GPATCH1: variants seen among roughly 807,000 people sequenced by gnomAD.
GPATCH1 encodes G patch domain-containing protein 1.
GPATCH1 carries 73 observed loss-of-function variants against 114.9 expected under a neutral mutation model. The observed-to-expected ratio is 0.64, with a 90% CI of 0.53 to 0.77. The LOEUF (loss-of-function observed/expected upper bound fraction) is 0.77. Among genes scored for constraint, GPATCH1 ranks in the 30% least tolerant of loss-of-function variants. The pLI is 0.00. For missense variants in GPATCH1, 1,058 were observed against 1,144.3 expected (o/e 0.92, Z 1.09); for synonymous variants, 391 against 428.4 (o/e 0.91, Z 1.08).
intron 11 of GPATCH1, among the ~76,000 whole-genome samples, chr19:33,110,951 C>T (rs1237798454): frequency 6.7e-6 from 1 of 148,462 alleles, no homozygotes; most frequent in African/African-American, 2.5e-5. Context: ...GAGATCCTGC[C>T]TCTACCAAAA....
At chr19:33,107,624 A>G (rs1972800138) in intron 10 of GPATCH1, among the ~76,000 whole-genome samples, 1 of 152,058 alleles carries the variant, frequency 6.6e-6, no homozygotes, top group Non-Finnish European at 1.5e-5. Flanking sequence ...GGAAAGTCCC[A>G]CCATGAGAGG....
chr19:33,099,513 C>T (rs1164598439), intron 8 of GPATCH1, among the ~76,000 whole-genome samples: 2 of 151,956 alleles, frequency 1.3e-5, no homozygotes, highest in Non-Finnish European at 2.9e-5. Context: ...TGCAGGGTCA[C>T]AGCATCTGTA....
At chr19:33,119,981 TTTTATATA>T (rs1972959432) in intron 17 of GPATCH1, among the ~76,000 whole-genome samples, 2 of 144,102 alleles carry the variant, frequency 1.4e-5, no homozygotes, top group South Asian at 4.2e-4. Context: ...AATTTATATA[TTTTATATA>T]TTTATATATT....
At position 33,126,656 on chromosome 19, in the gene GPATCH1, C is replaced by T. The variant is rs998736121; in HGVS notation, c.2688C>T (p.Ser896=). 6.2e-7 allele frequency: 1 copy of T among 1,613,948 alleles called. No individual in the cohort carries two copies. Among genetic ancestry groups the T allele is most frequent in the African/African-American group, 1.3e-5 (1 of 74,908 alleles). Reference sequence around the variant, plus strand: ...ATAAAAAACCAGAGAAAAGTAGTAGCTCCGAGAGTTCCGACAGCAGCGACA... The same window carrying T: ...ATAAAAAACCAGAGAAAAGTAGTAGTTCCGAGAGTTCCGACAGCAGCGACA... ...QKNKKPEKSS[S]SESSDSSDSQ... Residue 896 remains serine (S), a synonymous_variant, in exon 19 of 20, where the codon AGC becomes AGT. Coordinates refer to ENST00000170564, the MANE Select transcript of GPATCH1 (RefSeq NM_018025.3).
At chr19:33,083,242 T>TGAAA (rs1972499064) in intron 1 of GPATCH1, among the ~76,000 whole-genome samples, 1 of 55,284 alleles carries the variant, frequency 1.8e-5, no homozygotes, top group Non-Finnish European at 3.0e-5. Context: ...AGACTCTGTC[T>TGAAA]CAAAAAAAAA....
intron 5 of GPATCH1, among the ~76,000 whole-genome samples, chr19:33,095,257 GTTT>G (rs940614947): frequency 8.2e-5 from 9 of 109,282 alleles, no homozygotes; most frequent in African/African-American, 2.5e-4. Context: ...TATCAGTGAG[GTTT>G]TTTTTTTTTT....
chr19:33,123,968 C>T (rs1973013056), intron 17 of GPATCH1, among the ~76,000 whole-genome samples: 2 of 151,938 alleles, frequency 1.3e-5, no homozygotes, highest in Admixed American at 6.6e-5. Context: ...ATTCTCCTGC[C>T]TCAGCCTCCT....
Position 33,119,071 on chromosome 19 carries a change from TGAAAG to T in GPATCH1, c.2476_2480del (p.Glu826ArgfsTer20). ...TCCCGATACAAAAGATGCAGATAGA[TGAAAG>T]AGAAGAGTTCGGCCCGCGGCTGCCT... On this transcript the variant is annotated frameshift_variant, in exon 17 of 20. Coordinates refer to ENST00000170564, the MANE Select transcript of GPATCH1 (RefSeq NM_018025.3). LOFTEE classifies it high-confidence loss of function. 6.2e-7 allele frequency: 1 copy of T among 1,613,414 alleles called. No homozygotes were observed. Among genetic ancestry groups the T allele is most frequent in the Non-Finnish European group, 8.5e-7 (1 of 1,179,752 alleles).
chr19:33,127,518 A>AT (rs1279953329), intron 19 of GPATCH1, among the ~76,000 whole-genome samples: 5 of 122,600 alleles, frequency 4.1e-5, no homozygotes, highest in African/African-American at 1.9e-4. Flanking sequence ...TCTTGTCTCA[A>AT]TAAAAAAAAA....
At chr19:33,105,587 G>A (rs1003790010) in intron 9 of GPATCH1, among the ~76,000 whole-genome samples, 1 of 151,540 alleles carries the variant, frequency 6.6e-6, no homozygotes, top group Non-Finnish European at 1.5e-5. Flanking sequence ...GCAGTGGTGC[G>A]ATCTCAGCTC....
intron 1 of GPATCH1, among the ~76,000 whole-genome samples, chr19:33,085,397 T>C (rs1233519099): frequency 6.6e-6 from 1 of 152,064 alleles, no homozygotes; most frequent in East Asian, 1.9e-4. Flanking sequence ...TTTTAAACAT[T>C]GCGTCACTAT....
chr19:33,082,239 G>C (rs963180490), intron 1 of GPATCH1, among the ~76,000 whole-genome samples: 2 of 152,140 alleles, frequency 1.3e-5, no homozygotes, highest in African/African-American at 4.8e-5. Context: ...GTTCTCTCCT[G>C]TGTTTCTGGT....
intron 17 of GPATCH1, among the ~76,000 whole-genome samples, chr19:33,119,381 T>C (rs1239471660): frequency 6.6e-6 from 1 of 152,030 alleles, no homozygotes; most frequent in Non-Finnish European, 1.5e-5. Flanking sequence ...GTTATAGAAA[T>C]ATAAGTTTCC....
At position 33,088,245 on chromosome 19, in the gene GPATCH1, T is replaced by A; in HGVS notation, c.185T>A (p.Phe62Tyr). 1 of 1,604,332 alleles carries A rather than the reference T, an allele frequency of 6.2e-7. No homozygotes were observed. Among genetic ancestry groups the A allele is most frequent in the Non-Finnish European group, 8.5e-7 (1 of 1,175,450 alleles). Residue 62 changes from phenylalanine (F) to tyrosine (Y), a missense_variant, in exon 2 of 20, where the codon TTC becomes TAC. Phe to Tyr is a conservative substitution (Grantham distance 22). This residue lies in a region of GPATCH1 where 131 missense variants were observed against 107.2 expected (regional missense o/e 1.22). Transcript: ENST00000170564. ...AFSGGFSAGYFNTVGSKEGWT... is the reference protein window; with the variant it reads ...AFSGGFSAGYYNTVGSKEGWT... ...AGTGGAGGTTTCTCTGCTGGATACTTCAATACTGTTGGCTCAAAAGAAGGT... is the reference window on the plus strand; with the variant it reads ...AGTGGAGGTTTCTCTGCTGGATACTACAATACTGTTGGCTCAAAAGAAGGT...
In GPATCH1 at chr19:33,096,222, T is replaced by C; in HGVS notation, c.628T>C (p.Tyr210His). The change falls in exon 7 of 20, where the codon TAC becomes CAC. Residue 210 changes from tyrosine (Y) to histidine (H), a missense_variant. Physicochemically the swap from Tyr to His is moderately conservative, Grantham distance 83 (BLOSUM62 2). Coordinates refer to ENST00000170564, the MANE Select transcript of GPATCH1 (RefSeq NM_018025.3). ...ACGGAAATAGGGTGAAGATGATGACTACTTGCCTGATAATGTGACCTTTGC... is the reference window on the plus strand; with the variant it reads ...ACGGAAATAGGGTGAAGATGATGACCACTTGCCTGATAATGTGACCTTTGC... ...SEGSEGEDDD[Y>H]LPDNVTFAPK... 6.2e-7 allele frequency: 1 copy of C among 1,613,936 alleles called. No homozygotes were observed. The highest frequency in any genetic ancestry group is 2.2e-5 in the East Asian group (1 of 44,878).
chr19:33,120,328 T>TTTTATACATA lies in GPATCH1; in HGVS notation c.2521+1211_2521+1212insTTTATACATA, dbSNP rs1436326802. Among the ~76,000 whole-genome samples the TTTTATACATA allele has an allele frequency of 8.2e-3, 1,177 of 142,956 alleles. 18 individuals carry two copies. The highest frequency in any genetic ancestry group is 0.029 in the African/African-American group (1,128 of 38,860). 93.8% of individuals were successfully genotyped at this position (142,956 alleles called of 152,430 possible). ...ATATTTTATACATAAAAATGATATA[T>TTTTATACATA]AAAATTATATATAAAATTATATATT... is the stretch of plus-strand genomic sequence containing the variant. On this transcript the variant is annotated intron_variant, in intron 17 of 19. Coordinates refer to ENST00000170564, the MANE Select transcript of GPATCH1 (RefSeq NM_018025.3).
At chr19:33,107,523 G>A (rs1368052915) in intron 10 of GPATCH1, among the ~76,000 whole-genome samples, 4 of 152,218 alleles carry the variant, frequency 2.6e-5, no homozygotes, top group Admixed American at 2.0e-4. Context: ...CCTGGGGATC[G>A]CATTGTGTAA....
Position 33,101,510 on chromosome 19 carries a change from T to C in GPATCH1, c.1016T>C (p.Leu339Pro). 1 of 1,590,858 alleles carries C rather than the reference T, an allele frequency of 6.3e-7. No individual in the cohort carries two copies. The highest frequency in any genetic ancestry group is 8.6e-7 in the Non-Finnish European group (1 of 1,158,910). ...CATTTTGTAGAATCAGAGAAAGACC[T>C]TCGGTACGTTGGCAAAATTTTGGAT... is the stretch of plus-strand genomic sequence containing the variant. ...YKNQKESEKD[L>P]RYVGKILDGF... Residue 339 changes from leucine (L) to proline (P), a missense_variant, in exon 9 of 20, where the codon CTT becomes CCT. Transcript: ENST00000170564.
rs572880360 is a variant in GPATCH1 at position 33,081,943 on chromosome 19, A to G, written c.73+677A>G. On this transcript the variant is annotated intron_variant, in intron 1 of 19. Coordinates refer to ENST00000170564, the MANE Select transcript of GPATCH1 (RefSeq NM_018025.3). ...GGCTGGTCTTGAACTCCTGACTTCA[A>G]GTGATCCTCTCGCTTCTGCCTCCCA... 1.1e-4 allele frequency among the ~76,000 whole-genome samples: 16 copies of G among 148,100 alleles called. 3 individuals are homozygous for G. Among genetic ancestry groups the G allele is most frequent in the Non-Finnish European group, 2.2e-4 (15 of 67,316 alleles).
Sources: allele counts gnomAD v4.1 joint callset (sites outside exome capture counted in the v4.1 genomes callset), GRCh38; gene constraint gnomAD v4.1.1; regional missense constraint gnomAD v4.1.1; transcripts MANE v1.5; gene names NCBI Gene and HGNC (gene_info 2026-07-23, HGNC 2026-07-21).